The following RBFOX1 variants were observed in gnomAD, a reference collection of about 807,000 sequenced individuals.
The protein encoded by RBFOX1 is RNA binding fox-1 homolog 1.
Under a neutral mutation model 57.7 loss-of-function variants are expected in RBFOX1, and 8 were observed. That is an observed-to-expected ratio of 0.14 (90% CI 0.08 to 0.25). The LOEUF is 0.25. RBFOX1 is among the 10% of genes least tolerant of loss of function. RBFOX1 has a pLI of 1.00. For synonymous variants in RBFOX1, 326 were observed against 222.4 expected (o/e 1.47, Z -4.15); for missense variants, 611 against 548.5 (o/e 1.11, Z -1.14).
intron 2 of RBFOX1, among the ~76,000 whole-genome samples, chr16:5,545,494 A>G (rs1365516792): frequency 2.0e-5 from 3 of 152,184 alleles, no homozygotes; most frequent in South Asian, 2.1e-4. Flanking sequence ...ATACAGCAAT[A>G]TATAAAAAGG....
chr16:6,601,725 A>G (rs193113018), intron 2 of RBFOX1, among the ~76,000 whole-genome samples: 4 of 152,238 alleles, frequency 2.6e-5, no homozygotes, highest in East Asian at 1.9e-4. Context: ...TCTCCCGGGT[A>G]TATTTGTTGA....
chr16:7,422,579 C>T (rs986697184), intron 4 of RBFOX1, among the ~76,000 whole-genome samples: 2 of 152,144 alleles, frequency 1.3e-5, no homozygotes, highest in Admixed American at 1.3e-4. Context: ...AGTGCATTAA[C>T]CGGATGGAGC....
chr16:7,349,226 C>A (rs550511093), intron 4 of RBFOX1, among the ~76,000 whole-genome samples: 4 of 152,148 alleles, frequency 2.6e-5, no homozygotes, highest in Non-Finnish European at 5.9e-5. Flanking sequence ...ATCAAGATAT[C>A]TTCCTGGCAG....
chr16:6,372,224 C>A (rs1600234061), intron 2 of RBFOX1, among the ~76,000 whole-genome samples: 1 of 150,406 alleles, frequency 6.6e-6, no homozygotes, highest in African/African-American at 2.5e-5. Flanking sequence ...TGGTAAGGAT[C>A]TTTGGGTAGG....
At chr16:7,122,330 T>C (rs993112100) in intron 4 of RBFOX1, among the ~76,000 whole-genome samples, 4 of 152,042 alleles carry the variant, frequency 2.6e-5, no homozygotes, top group Non-Finnish European at 5.9e-5. Context: ...ATCTTAATAA[T>C]GGGAAAAAGA....
chr16:5,909,242 A>G (rs1305520757), intron 4 of RBFOX1, among the ~76,000 whole-genome samples: 4 of 151,372 alleles, frequency 2.6e-5, no homozygotes, highest in East Asian at 2.0e-4. Context: ...ACAGGCACCC[A>G]CCACCACGCC....
At chr16:6,213,373 A>T (rs1236029602) in intron 1 of RBFOX1, among the ~76,000 whole-genome samples, 1 of 152,006 alleles carries the variant, frequency 6.6e-6, no homozygotes, top group Non-Finnish European at 1.5e-5. Flanking sequence ...TGGGTAACAG[A>T]TTTCTGAAGC....
At chr16:6,009,835 T>TGTG (rs71142664) in intron 4 of RBFOX1, among the ~76,000 whole-genome samples, 1 of 151,866 alleles carries the variant, frequency 6.6e-6, no homozygotes, top group Non-Finnish European at 1.5e-5. Context: ...TGTGTGTGTG[T>TGTG]ATAGGGGGAT....
intron 1 of RBFOX1, among the ~76,000 whole-genome samples, chr16:5,435,815 A>G (rs1230519788): frequency 2.6e-5 from 4 of 152,234 alleles, no homozygotes; most frequent in African/African-American, 9.6e-5. Flanking sequence ...ATAGCATTCC[A>G]CTGTGTGGAT....
rs865775539 is a variant in RBFOX1 at position 6,660,758 on chromosome 16, G to A, written c.-16+6108G>A. On this transcript the variant is annotated intron_variant, in intron 3 of 15. Transcript: ENST00000550418. ...TAAGAACTGGATTAACTGTAGCTGC[G>A]GTTATTTTTATTTTTGCTGGTATCC... is the stretch of plus-strand genomic sequence containing the variant. 3.9e-5 allele frequency among the ~76,000 whole-genome samples: 5 copies of A among 127,124 alleles called. 1 individual carries two copies. The highest frequency in any genetic ancestry group is 7.3e-5 in the Non-Finnish European group (4 of 54,440). 83.4% of individuals were successfully genotyped at this position (127,124 alleles called of 152,430 possible). A position where few individuals can be genotyped will look rare whatever the true frequency, so the allele number is the denominator to read the frequency against.
chr16:6,537,525 G>C (rs538873399), intron 2 of RBFOX1, among the ~76,000 whole-genome samples: 1 of 152,182 alleles, frequency 6.6e-6, no homozygotes, highest in African/African-American at 2.4e-5. Flanking sequence ...TGATGTGATC[G>C]AGTTGCTGAG....
intron 2 of RBFOX1, among the ~76,000 whole-genome samples, chr16:6,573,189 GA>G (rs1479558698): frequency 2.0e-5 from 3 of 152,108 alleles, no homozygotes; most frequent in Non-Finnish European, 4.4e-5. Context: ...TATGTGAAGG[GA>G]AACAGTGCCC....
At chr16:7,334,225 TC>T (rs1409211112) in intron 4 of RBFOX1, among the ~76,000 whole-genome samples, 5 of 152,210 alleles carry the variant, frequency 3.3e-5, no homozygotes, top group East Asian at 1.9e-4. Context: ...ATTCTCTCTT[TC>T]TGGATTTATG....
chr16:5,412,172 C>A (rs2067039405), intron 1 of RBFOX1, among the ~76,000 whole-genome samples: 1 of 152,064 alleles, frequency 6.6e-6, no homozygotes, highest in East Asian at 1.9e-4. Flanking sequence ...CCACACAGAC[C>A]TGGGTTTGAA....
At chr16:6,114,182 T>A (rs2096474974) in intron 1 of RBFOX1, among the ~76,000 whole-genome samples, 1 of 152,264 alleles carries the variant, frequency 6.6e-6, no homozygotes, top group African/African-American at 2.4e-5. Flanking sequence ...GAACTTCTTC[T>A]CTTGTTGGTT....
chr16:7,489,322 C>A (rs527414839), intron 4 of RBFOX1, among the ~76,000 whole-genome samples: 44 of 152,210 alleles, frequency 2.9e-4, no homozygotes, highest in African/African-American at 1.1e-3. Context: ...CCTGAGGTAC[C>A]TTTTGGCAAG....
intron 3 of RBFOX1, among the ~76,000 whole-genome samples, chr16:5,752,064 A>G (rs1017025630): frequency 6.6e-6 from 1 of 152,238 alleles, no homozygotes; most frequent in Non-Finnish European, 1.5e-5. Context: ...AAATGTATGC[A>G]TATACCATGC....
intron 3 of RBFOX1, among the ~76,000 whole-genome samples, chr16:5,778,035 C>G (rs567379724): frequency 1.3e-5 from 2 of 152,122 alleles, no homozygotes; most frequent in Non-Finnish European, 2.9e-5. Flanking sequence ...AACCCTAGGG[C>G]CAGTGCAGTG....
At chr16:6,692,394 C>T (rs971381323) in intron 3 of RBFOX1, among the ~76,000 whole-genome samples, 1 of 152,068 alleles carries the variant, frequency 6.6e-6, no homozygotes, top group African/African-American at 2.4e-5. Context: ...GTATCTCTCC[C>T]TAGAGTTCCT....
Sources: gnomAD v4.1 joint callset for allele counts (sites outside exome capture counted in the v4.1 genomes callset) on GRCh38, gnomAD v4.1.1 for gene constraint, MANE v1.5 for transcripts, NCBI Gene and HGNC (gene_info 2026-07-23, HGNC 2026-07-21) for gene names.